Variants in LRRC7 observed in about 807,000 individuals in gnomAD.
The protein encoded by LRRC7 is leucine rich repeat containing 7.
A neutral mutation model predicts 175.7 loss-of-function variants in LRRC7; 23 were observed. The observed-to-expected ratio is 0.13, with a 90% CI of 0.09 to 0.19. LRRC7 has a LOEUF of 0.19. Among genes scored for constraint, LRRC7 ranks in the 10% least tolerant of loss-of-function variants. The pLI is 1.00. For missense variants in LRRC7, 1,354 were observed against 1,904.7 expected (o/e 0.71, Z 5.38); for synonymous variants, 685 against 680.9 (o/e 1.01, Z -0.09).
intron 7 of LRRC7, among the ~76,000 whole-genome samples, chr1:69,926,564 G>A (rs572339962): frequency 6.0e-4 from 89 of 147,648 alleles, no homozygotes; most frequent in African/African-American, 2.2e-3. Flanking sequence ...ATTATGTAAT[G>A]GCCTTCTTTG....
chr1:70,107,863 C>G (rs753144097), intron 26 of LRRC7, 37 bp downstream of exon 26: 3 of 1,489,082 alleles, frequency 2.0e-6, no homozygotes, highest in Admixed American at 1.7e-5. Context: ...AAATGCCATA[C>G]TGAGACAAAT....
intron 1 of LRRC7, among the ~76,000 whole-genome samples, chr1:69,641,801 G>C (rs1008365122): frequency 6.6e-6 from 1 of 151,632 alleles, no homozygotes; most frequent in African/African-American, 2.4e-5. Context: ...TTGATAGCCA[G>C]TCTACATATA....
intron 5 of LRRC7, among the ~76,000 whole-genome samples, chr1:69,834,427 T>C (rs1241392672): frequency 1.3e-5 from 2 of 152,094 alleles, no homozygotes; most frequent in Non-Finnish European, 2.9e-5. Context: ...AAAGGAACAT[T>C]AGTTTTAAAA....
chr1:69,934,505 CGGGG>C (rs796318018), intron 8 of LRRC7, among the ~76,000 whole-genome samples: 2,101 of 29,022 alleles, frequency 0.072, 39 homozygotes, highest in African/African-American at 0.21. Flanking sequence ...GGGGGGGGGG[CGGGG>C]GGTGGGGGGT....
intron 2 of LRRC7, among the ~76,000 whole-genome samples, chr1:69,718,142 G>A (rs5774993): frequency 0.21 from 15,524 of 72,514 alleles, 2,252 homozygotes; most frequent in South Asian, 0.25. Context: ...AAGAAAGAGA[G>A]AGAAAGAAAG....
At chr1:69,639,352 A>G (rs1457795619) in intron 1 of LRRC7, among the ~76,000 whole-genome samples, 1 of 151,798 alleles carries the variant, frequency 6.6e-6, no homozygotes, top group Non-Finnish European at 1.5e-5. Flanking sequence ...TATATAGATC[A>G]TTAGTTACCC....
intron 1 of LRRC7, among the ~76,000 whole-genome samples, chr1:69,590,498 T>C (rs1273929116): frequency 6.6e-6 from 1 of 152,148 alleles, no homozygotes; most frequent in Non-Finnish European, 1.5e-5. Context: ...CTCACAATTA[T>C]ATCCTGTGCT....
chr1:69,603,252 A>G (rs1647153270), intron 1 of LRRC7, among the ~76,000 whole-genome samples: 1 of 152,194 alleles, frequency 6.6e-6, no homozygotes, highest in Non-Finnish European at 1.5e-5. Flanking sequence ...CACAGATACC[A>G]GAAGTTAGGA....
In LRRC7 at chr1:70,123,531, A is replaced by G. The variant is rs950337493; in HGVS notation, c.*1644A>G. The G allele has an allele frequency of 6.6e-6, 1 of 152,142 alleles. No homozygotes were observed. The highest frequency in any genetic ancestry group is 2.4e-5 in the African/African-American group (1 of 41,448). The allele number at this position is 152,142 out of a possible 1,614,324, so 9.4% of individuals were successfully genotyped here. ...GGCAATAGAATTTGTCACTTGGGAG[A>G]AAATAATACTTCACTTTATAGATGA... On this transcript the variant is annotated 3_prime_UTR_variant, in exon 27 of 27. Coordinates refer to ENST00000651989, the MANE Select transcript of LRRC7 (RefSeq NM_001370785.2).
chr1:69,834,933 C>T (rs866182796), intron 6 of LRRC7, 64 bp downstream of exon 6: 2 of 1,250,284 alleles, frequency 1.6e-6, no homozygotes, highest in Middle Eastern at 1.9e-4. Context: ...TTACCAGTGC[C>T]AGTTGATGAG....
Position 69,850,261 on chromosome 1 carries a change from G to A in LRRC7, c.647+11978G>A, listed in dbSNP as rs577082839. Among the ~76,000 whole-genome samples the A allele has an allele frequency of 2.7e-4, 41 of 152,194 alleles. No individual in the cohort carries two copies. The East Asian group carries it at 7.1e-3, about 27-fold the overall frequency. On this transcript the variant is annotated intron_variant, in intron 7 of 26. Coordinates refer to ENST00000651989, the MANE Select transcript of LRRC7 (RefSeq NM_001370785.2). ...CTTGTGATGGCAGCAAGCTTGAGATGTCTAAGAAGCACAAGGCCAGAGTAG... is the reference window on the plus strand; with the variant it reads ...CTTGTGATGGCAGCAAGCTTGAGATATCTAAGAAGCACAAGGCCAGAGTAG...
chr1:70,021,619 C>A (rs1657509255), intron 16 of LRRC7, among the ~76,000 whole-genome samples: 1 of 152,062 alleles, frequency 6.6e-6, no homozygotes, highest in African/African-American at 2.4e-5. Flanking sequence ...TATGAGTTTC[C>A]TTAAATATGA....
chr1:69,876,123 G>A (rs115620252), intron 7 of LRRC7, among the ~76,000 whole-genome samples: 112 of 152,104 alleles, frequency 7.4e-4, no homozygotes, highest in Non-Finnish European at 1.2e-3. Flanking sequence ...ACATATGCCC[G>A]TATATTTCTC....
intron 11 of LRRC7, among the ~76,000 whole-genome samples, chr1:70,003,145 C>T (rs1042017441): frequency 7.2e-5 from 11 of 152,116 alleles, no homozygotes; most frequent in African/African-American, 2.7e-4. Flanking sequence ...TTTACATGAC[C>T]TCTTTGCATG....
chr1:69,864,043 CTT>C (rs1392573745), intron 7 of LRRC7, among the ~76,000 whole-genome samples: 1 of 152,072 alleles, frequency 6.6e-6, no homozygotes. Flanking sequence ...TTTTTCTACT[CTT>C]TGATTAACTT....
At chr1:69,969,740 A>C (rs1652033881) in intron 8 of LRRC7, among the ~76,000 whole-genome samples, 1 of 152,176 alleles carries the variant, frequency 6.6e-6, no homozygotes, top group African/African-American at 2.4e-5. Flanking sequence ...AAAGTCAACA[A>C]AGAAACAATG....
chr1:69,728,342 C>CA (rs200240144), intron 2 of LRRC7, among the ~76,000 whole-genome samples: 225 of 150,546 alleles, frequency 1.5e-3, no homozygotes, highest in African/African-American at 4.7e-3. Context: ...ACCATATAAA[C>CA]AAAAAAAAAG....
intron 24 of LRRC7, among the ~76,000 whole-genome samples, chr1:70,088,014 G>C (rs929702754): frequency 6.6e-6 from 1 of 152,156 alleles, no homozygotes; most frequent in Non-Finnish European, 1.5e-5. Context: ...AATGTAAAGA[G>C]TGTTTTGGGC....
At chr1:69,766,252 A>T (rs1671613278) in intron 3 of LRRC7, among the ~76,000 whole-genome samples, 1 of 152,170 alleles carries the variant, frequency 6.6e-6, no homozygotes, top group Admixed American at 6.5e-5. Context: ...GATGAGAGGA[A>T]TGCAACATCC....
Sources: gnomAD v4.1 joint callset for allele counts (sites outside exome capture counted in the v4.1 genomes callset) on GRCh38, gnomAD v4.1.1 for gene constraint, MANE v1.5 for transcripts, NCBI Gene and HGNC (gene_info 2026-07-23, HGNC 2026-07-21) for gene names.